The following PCDHGA1 variants were observed in gnomAD, a reference collection of about 807,000 sequenced individuals.
PCDHGA1 encodes the protein protocadherin gamma-A1.
In PCDHGA1, 32 loss-of-function variants were observed where a neutral mutation model predicts 58.0. The ratio of observed to expected loss-of-function variants is 0.55; its 90% confidence interval spans 0.42 to 0.74. The LOEUF (loss-of-function observed/expected upper bound fraction) is 0.74, where lower values mean the gene tolerates loss of function less well. Ranked by LOEUF, PCDHGA1 falls within the 30% of genes least tolerant of loss-of-function variation. PCDHGA1 has a pLI of 0.00. For missense variants in PCDHGA1, 1,205 were observed against 1,182.3 expected (o/e 1.02, Z -0.28); for synonymous variants, 498 against 501.1 (o/e 0.99, Z 0.08).
intron 1 of PCDHGA1, chr5:141,364,555 TG>T: frequency 6.2e-7 from 1 of 1,614,108 alleles, no homozygotes; most frequent in Non-Finnish European, 8.5e-7. Context: ...CGCAGCTTTT[TG>T]CCCTGAACCC....
intron 1 of PCDHGA1, among the ~76,000 whole-genome samples, chr5:141,449,588 CAAAAAAAA>C (rs768743917): frequency 1.7e-5 from 1 of 57,492 alleles, no homozygotes; most frequent in South Asian, 6.3e-4. Context: ...GACTCTGTCT[CAAAAAAAA>C]AAAAAAAAAA....
intron 1 of PCDHGA1, among the ~76,000 whole-genome samples, chr5:141,448,796 T>G (rs1268643310): frequency 1.0e-4 from 15 of 150,106 alleles, no homozygotes; most frequent in Admixed American, 4.0e-4. Context: ...AAAAAAAAAA[T>G]TAGCCAGGCG....
chr5:141,371,309 A>T (rs1046676611), intron 1 of PCDHGA1: 4 of 1,613,894 alleles, frequency 2.5e-6, no homozygotes, highest in African/African-American at 1.3e-5. Flanking sequence ...CCACTATTGG[A>T]GAACTGGACT....
At chr5:141,384,606 AGAT>A (rs1561603197) in intron 1 of PCDHGA1, 6 of 1,614,152 alleles carry the variant, frequency 3.7e-6, no homozygotes, top group Non-Finnish European at 5.1e-6. Flanking sequence ...CCCTCCCCAC[AGAT>A]GGTTCTACTG....
chr5:141,351,389 A>G (rs1758708224), intron 1 of PCDHGA1: 1 of 1,612,074 alleles, frequency 6.2e-7, no homozygotes, highest in Non-Finnish European at 8.5e-7. Context: ...GCAAAATGGC[A>G]TGGTGACATG....
rs761831761 is a variant in PCDHGA1 at position 141,485,471 on chromosome 5, G to A, written c.2422-9336G>A. The A allele has an allele frequency of 4.3e-6, 7 of 1,614,144 alleles. No homozygotes were observed. The Admixed American group carries it at 5.0e-5, about 12-fold the overall frequency. On this transcript the variant is annotated intron_variant, in intron 1 of 3. Transcript: ENST00000517417. This position sits in a 1 kb window ranked among gnomAD's most constrained non-coding sequence, Gnocchi z 5.7. ...CCGAGAGGCACTGTGTGGGCTCAGT[G>A]CCAGCTGCATCGTGCCCCTGGAGTT...
rs760656380 is a variant in PCDHGA1, at chr5:141,331,083, C to G, written c.399C>G (p.Phe133Leu). Reference sequence around the variant, plus strand: ...ATATTAATGACAACACTCCCCAATTCCAGTTAGAGGAACTGGAGTTTAAAA... The same window carrying G: ...ATATTAATGACAACACTCCCCAATTGCAGTTAGAGGAACTGGAGTTTAAAA... Reference protein sequence around the residue: ...IIDINDNTPQFQLEELEFKMN... With the variant: ...IIDINDNTPQLQLEELEFKMN... The change falls in exon 1 of 4, where the codon TTC becomes TTG. Residue 133 changes from phenylalanine to leucine, a missense_variant. Phe to Leu is a conservative substitution (Grantham distance 22). Transcript: ENST00000517417. The G allele has an allele frequency of 6.2e-7, 1 of 1,614,074 alleles. No homozygotes were observed. Among genetic ancestry groups the G allele is most frequent in the Non-Finnish European group, 8.5e-7 (1 of 1,179,982 alleles).
chr5:141,431,206 G>A lies in PCDHGA1; in HGVS notation c.2422-63601G>A, dbSNP rs17097300. On this transcript the variant is annotated intron_variant, in intron 1 of 3. Coordinates refer to ENST00000517417, the MANE Select transcript of PCDHGA1 (RefSeq NM_018912.3). The surrounding 1 kb of genome is among the most constrained non-coding windows in gnomAD (Gnocchi z 4.8). ...AAATTAGTGAAAATGCAGCCACTGA[G>A]ATGCGGTTCCCTCTACCCCACGCCT... The A allele has an allele frequency of 0.041, 66,767 of 1,614,172 alleles. 3,763 individuals carry two copies. Among genetic ancestry groups the A allele is most frequent in the Admixed American group, 0.27 (16,026 of 60,028 alleles).
chr5:141,403,353 A>T lies in PCDHGA1; in HGVS notation c.2421+70248A>T, dbSNP rs1335542003. The T allele has an allele frequency of 2.5e-6, 4 of 1,613,932 alleles. No individual in the cohort carries two copies. In the East Asian group the frequency reaches 6.7e-5, roughly 27 times the overall value. ...ATTAACGACAGCGCCCCAAAGTTCC[A>T]GGCCGAAAGTCTGGAAGTAAAAATT... On this transcript the variant is annotated intron_variant, in intron 1 of 3. Coordinates refer to ENST00000517417, the MANE Select transcript of PCDHGA1 (RefSeq NM_018912.3).
chr5:141,373,347 G>A (rs1769499263), intron 1 of PCDHGA1, among the ~76,000 whole-genome samples: 1 of 152,178 alleles, frequency 6.6e-6, no homozygotes. Context: ...GGCAACTCTT[G>A]TAATGGGCAC....
intron 1 of PCDHGA1, chr5:141,360,960 A>C (rs1312834351): frequency 7.4e-6 from 12 of 1,613,840 alleles, no homozygotes; most frequent in Non-Finnish European, 1.0e-5. Flanking sequence ...GCATAAACGC[A>C]GAGATCACCT....
intron 1 of PCDHGA1, chr5:141,365,075 G>A (rs754573655): frequency 6.2e-7 from 1 of 1,613,842 alleles, no homozygotes. Context: ...CGAGTACAGC[G>A]TGAGTGTTCC....
chr5:141,423,574 C>T (rs953989787), intron 1 of PCDHGA1: 2 of 1,613,328 alleles, frequency 1.2e-6, no homozygotes, highest in Non-Finnish European at 1.7e-6. Flanking sequence ...GCTCATCAGC[C>T]AGGAGAGCTG....
At chr5:141,372,221 G>T (rs1229058896) in intron 1 of PCDHGA1, 1 of 1,613,516 alleles carries the variant, frequency 6.2e-7, no homozygotes, top group African/African-American at 1.3e-5. Context: ...ACCACATTGT[G>T]CAGGCCAGCG....
intron 2 of PCDHGA1, among the ~76,000 whole-genome samples, chr5:141,500,399 C>T (rs966328306): frequency 1.3e-5 from 2 of 151,806 alleles, no homozygotes; most frequent in South Asian, 2.1e-4. Context: ...TTAGTAGAGA[C>T]GGGGTTTCAC....
At chr5:141,434,136 TC>T (rs2097674430) in intron 1 of PCDHGA1, among the ~76,000 whole-genome samples, 1 of 152,246 alleles carries the variant, frequency 6.6e-6, no homozygotes, top group Non-Finnish European at 1.5e-5. Context: ...TAGGCTGATT[TC>T]TATGTCCTTT....
At chr5:141,399,494 G>T in intron 1 of PCDHGA1, 1 of 1,614,032 alleles carries the variant, frequency 6.2e-7, no homozygotes, top group Non-Finnish European at 8.5e-7. Flanking sequence ...TACTTAGTCA[G>T]TGTACCCGAA....
intron 1 of PCDHGA1, chr5:141,409,250 A>G: frequency 6.2e-7 from 1 of 1,614,024 alleles, no homozygotes; most frequent in Non-Finnish European, 8.5e-7. Flanking sequence ...AATAATCATC[A>G]CTTCTCTCTC....
At chr5:141,339,352 C>G in intron 1 of PCDHGA1, 1 of 1,614,166 alleles carries the variant, frequency 6.2e-7, no homozygotes, top group Non-Finnish European at 8.5e-7. Context: ...CAGATATTAA[C>G]GATAATGCCC....
Sources: allele counts gnomAD v4.1 joint callset (sites outside exome capture counted in the v4.1 genomes callset), GRCh38; gene constraint gnomAD v4.1.1; non-coding constraint Gnocchi (gnomAD v3.1); transcripts MANE v1.5; gene names NCBI Gene and HGNC (gene_info 2026-07-23, HGNC 2026-07-21).